The following KCNIP4 variants were observed in gnomAD, a reference collection of about 807,000 sequenced individuals.
KCNIP4 encodes the protein potassium voltage-gated channel interacting protein 4.
A neutral mutation model predicts 34.0 loss-of-function variants in KCNIP4; 12 were observed. The ratio of observed to expected loss-of-function variants is 0.35; its 90% CI spans 0.23 to 0.57. The LOEUF is 0.57. Among genes scored for constraint, KCNIP4 ranks in the 20% least tolerant of loss-of-function variants. The pLI is 0.83. For missense variants in KCNIP4, 238 were observed against 311.7 expected (o/e 0.76, Z 1.78); for synonymous variants, 124 against 102.2 (o/e 1.21, Z -1.29).
chr4:21,594,618 T>C (rs1742473948), intron 1 of KCNIP4, among the ~76,000 whole-genome samples: 1 of 151,494 alleles, frequency 6.6e-6, no homozygotes, highest in Non-Finnish European at 1.5e-5. Context: ...GAGTAAAACA[T>C]AGTCAATAAT....
Position 21,773,732 on chromosome 4 carries a change from GT to G in KCNIP4, c.61+174838del, listed in dbSNP as rs1337547042. 2.0e-4 allele frequency among the ~76,000 whole-genome samples: 14 copies of G among 71,342 alleles called. No homozygotes were observed. In the East Asian group the frequency reaches 3.3e-3, roughly 17 times the overall value. 46.8% of individuals were successfully genotyped at this position (71,342 alleles called of 152,430 possible). A position where few individuals can be genotyped will look rare whatever the true frequency, so the allele number is the denominator to read the frequency against. On this transcript the variant is annotated intron_variant, in intron 1 of 8. Transcript: ENST00000382152. ...GTAGGAGACTAGCATTGCAACCCCT[GT>G]TTTTTTTTGTTGTTTTTTTTTTTTT...
At chr4:20,999,729 A>G (rs1346942272) in intron 1 of KCNIP4, among the ~76,000 whole-genome samples, 2 of 152,138 alleles carry the variant, frequency 1.3e-5, no homozygotes, top group East Asian at 1.9e-4. Context: ...TTGAAAACCA[A>G]TGAACCACTA....
At chr4:21,395,922 T>G (rs892889180) in intron 1 of KCNIP4, among the ~76,000 whole-genome samples, 2 of 152,160 alleles carry the variant, frequency 1.3e-5, no homozygotes, top group African/African-American at 4.8e-5. Flanking sequence ...TCATCCAAAT[T>G]GATCTCAAAT....
chr4:21,608,054 C>T (rs1560557908), intron 1 of KCNIP4, among the ~76,000 whole-genome samples: 2 of 152,074 alleles, frequency 1.3e-5, no homozygotes, highest in Non-Finnish European at 2.9e-5. Flanking sequence ...GGCTTTTACT[C>T]ATGGTGCTTT....
rs1560480155 is a variant in KCNIP4 at position 21,519,580 on chromosome 4, G to GTA, written c.61+428990_61+428991insTA. 1.5e-3 allele frequency among the ~76,000 whole-genome samples: 36 copies of GTA among 23,490 alleles called. 9 individuals are homozygous for GTA. The highest frequency in any genetic ancestry group is 4.5e-3 in the Admixed American group (8 of 1,782). 15.4% of individuals were successfully genotyped at this position (23,490 alleles called of 152,430 possible). Reference sequence around the variant, plus strand: ...TGTATGTGTATATATACACATATGTGTGTGTATGTATGTGTATATATACAC... The same window carrying GTA: ...TGTATGTGTATATATACACATATGTGTATGTGTATGTATGTGTATATATACAC... On this transcript the variant is annotated intron_variant, in intron 1 of 8. Transcript: ENST00000382152.
chr4:21,334,762 C>A (rs927536293), intron 1 of KCNIP4, among the ~76,000 whole-genome samples: 3 of 151,668 alleles, frequency 2.0e-5, no homozygotes, highest in African/African-American at 7.3e-5. Flanking sequence ...ATGTATTATA[C>A]AGTATGTGAT....
chr4:21,175,205 G>A (rs1457654466), intron 1 of KCNIP4, among the ~76,000 whole-genome samples: 1 of 151,896 alleles, frequency 6.6e-6, no homozygotes, highest in Non-Finnish European at 1.5e-5. Flanking sequence ...TCAAGGATTT[G>A]GGACTAATTT....
At chr4:20,837,680 A>ATTT (rs202064397) in intron 3 of KCNIP4, among the ~76,000 whole-genome samples, 32 of 89,892 alleles carry the variant, frequency 3.6e-4, no homozygotes, top group African/African-American at 1.2e-3. Context: ...ATATATATAT[A>ATTT]TATATATTTT....
chr4:21,353,886 G>A (rs11943076), intron 1 of KCNIP4, among the ~76,000 whole-genome samples: 1 of 152,122 alleles, frequency 6.6e-6, no homozygotes, highest in East Asian at 1.9e-4. Flanking sequence ...AAGTGTTAAG[G>A]GCAGCCAGAA....
intron 1 of KCNIP4, among the ~76,000 whole-genome samples, chr4:21,455,285 G>C (rs537665463): frequency 6.6e-6 from 1 of 152,150 alleles, no homozygotes; most frequent in South Asian, 2.1e-4. Context: ...CCAATTCGTA[G>C]AGAAGACAGG....
chr4:21,111,722 G>A (rs1056995386), intron 1 of KCNIP4, among the ~76,000 whole-genome samples: 8 of 152,148 alleles, frequency 5.3e-5, no homozygotes, highest in South Asian at 2.1e-4. Flanking sequence ...TAGGGGTCAG[G>A]GGTGGCTCAG....
chr4:21,580,743 C>A (rs1211167222), intron 1 of KCNIP4, among the ~76,000 whole-genome samples: 2 of 152,114 alleles, frequency 1.3e-5, no homozygotes, highest in African/African-American at 4.8e-5. Flanking sequence ...TTACTTCCCT[C>A]TCCTCTAGAA....
intron 1 of KCNIP4, among the ~76,000 whole-genome samples, chr4:20,967,107 C>A (rs548929094): frequency 1.3e-5 from 2 of 152,248 alleles, no homozygotes; most frequent in South Asian, 2.1e-4. Context: ...GGACCCTGGG[C>A]AACTCATTAC....
intron 1 of KCNIP4, among the ~76,000 whole-genome samples, chr4:21,026,579 A>C (rs1405028724): frequency 6.6e-6 from 1 of 152,176 alleles, no homozygotes; most frequent in Admixed American, 6.5e-5. Context: ...GTTTGAGCCC[A>C]GGAGGCAGAG....
At chr4:21,538,158 A>G (rs1270865471) in intron 1 of KCNIP4, among the ~76,000 whole-genome samples, 1 of 152,072 alleles carries the variant, frequency 6.6e-6, no homozygotes, top group Non-Finnish European at 1.5e-5. Context: ...ACCACCAACC[A>G]TCAGAAGCTA....
chr4:21,081,479 G>T (rs548163685), intron 1 of KCNIP4, among the ~76,000 whole-genome samples: 140 of 151,622 alleles, frequency 9.2e-4, no homozygotes, highest in Middle Eastern at 3.4e-3. Flanking sequence ...CATTAACTTC[G>T]GTAGTATGTT....
At chr4:21,859,361 T>G (rs1167781703) in intron 1 of KCNIP4, among the ~76,000 whole-genome samples, 1 of 151,868 alleles carries the variant, frequency 6.6e-6, no homozygotes, top group Non-Finnish European at 1.5e-5. Context: ...ACTAACCACT[T>G]CTTAAGAATA....
intron 1 of KCNIP4, among the ~76,000 whole-genome samples, chr4:21,538,052 T>G: frequency 6.9e-6 from 1 of 144,062 alleles, no homozygotes; most frequent in South Asian, 2.2e-4. Flanking sequence ...CAAGGGAAAT[T>G]TGGAGATGGA....
At chr4:21,329,763 T>C (rs924737513) in intron 1 of KCNIP4, among the ~76,000 whole-genome samples, 14 of 152,108 alleles carry the variant, frequency 9.2e-5, no homozygotes, top group Non-Finnish European at 2.1e-4. Context: ...TTACATACAA[T>C]ACCATGCAGG....
Sources: allele counts gnomAD v4.1 joint callset (sites outside exome capture counted in the v4.1 genomes callset), GRCh38; gene constraint gnomAD v4.1.1; transcripts MANE v1.5; gene names NCBI Gene and HGNC (gene_info 2026-07-23, HGNC 2026-07-21).